The following KCTD8 variants were observed in gnomAD, a reference collection of about 807,000 sequenced individuals.
KCTD8 encodes the protein BTB/POZ domain-containing protein KCTD8.
A neutral mutation model predicts 31.5 loss-of-function variants in KCTD8; 27 were observed. The ratio of observed to expected loss-of-function variants is 0.86; its 90% CI spans 0.63 to 1.18. KCTD8 has a LOEUF of 1.18. Ranked by LOEUF, KCTD8 falls within the 50% of genes most tolerant of loss-of-function variation. The pLI, the probability that KCTD8 is intolerant of heterozygous loss-of-function variation, is 0.00. For missense variants in KCTD8, 658 were observed against 647.7 expected (o/e 1.02, Z -0.17); for synonymous variants, 290 against 280.0 (o/e 1.04, Z -0.36).
At chr4:44,236,688 C>T (rs1035090497) in intron 1 of KCTD8, among the ~76,000 whole-genome samples, 1 of 151,960 alleles carries the variant, frequency 6.6e-6, no homozygotes, top group African/African-American at 2.4e-5. Flanking sequence ...ACATGGAGGA[C>T]CAAGAGGATG....
chr4:44,218,843 G>A (rs1381042181), intron 1 of KCTD8, among the ~76,000 whole-genome samples: 1 of 152,014 alleles, frequency 6.6e-6, no homozygotes, highest in Non-Finnish European at 1.5e-5. Flanking sequence ...ATTATAAAAT[G>A]TTGCTCTGCT....
chr4:44,263,727 T>C lies in KCTD8; in HGVS notation c.962-88477A>G, dbSNP rs555813668. Among the ~76,000 whole-genome samples, 71 of 152,266 alleles carry C rather than the reference T, an allele frequency of 4.7e-4. No homozygotes were observed. In the South Asian group the frequency reaches 0.013, roughly 29 times the overall value. ...AAAATGCATCCCTAGTCAACAGTCT[T>C]CAAGTGACACATGAAGCTGAATTTG... On this transcript the variant is annotated intron_variant, in intron 1 of 1. Coordinates refer to ENST00000360029, the MANE Select transcript of KCTD8 (RefSeq NM_198353.3).
chr4:44,397,990 T>A (rs78562614), intron 1 of KCTD8, among the ~76,000 whole-genome samples: 1,682 of 152,280 alleles, frequency 0.011, 12 homozygotes, highest in Non-Finnish European at 0.017. Context: ...CATCCTTTAT[T>A]GTTTAATGCA....
chr4:44,413,084 G>A (rs1274033906), intron 1 of KCTD8, among the ~76,000 whole-genome samples: 1 of 152,060 alleles, frequency 6.6e-6, no homozygotes. Context: ...CTGCCTTTAT[G>A]TTTTGCTGTT....
At chr4:44,204,104 TACC>T (rs1343288766) in intron 1 of KCTD8, among the ~76,000 whole-genome samples, 7 of 152,160 alleles carry the variant, frequency 4.6e-5, no homozygotes, top group East Asian at 1.9e-4. Context: ...ATAATATAAT[TACC>T]ACAATAGTTC....
chr4:44,437,523 A>G (rs1296023307), intron 1 of KCTD8, among the ~76,000 whole-genome samples: 3 of 152,152 alleles, frequency 2.0e-5, no homozygotes, highest in Non-Finnish European at 4.4e-5. Flanking sequence ...CCTCAGTTTG[A>G]TAGTTTTTAT....
intron 1 of KCTD8, among the ~76,000 whole-genome samples, chr4:44,376,062 T>C (rs753018554): frequency 1.3e-5 from 2 of 152,162 alleles, no homozygotes; most frequent in African/African-American, 2.4e-5. Flanking sequence ...GTTGCAATTA[T>C]TGTTTCTCTG....
intron 1 of KCTD8, among the ~76,000 whole-genome samples, chr4:44,298,513 G>A (rs1717511858): frequency 6.6e-6 from 1 of 152,096 alleles, no homozygotes; most frequent in South Asian, 2.1e-4. Context: ...ATTTTTAGTT[G>A]TAGCAGCAAT....
intron 1 of KCTD8, among the ~76,000 whole-genome samples, chr4:44,291,148 A>G (rs1403369593): frequency 6.6e-6 from 1 of 152,156 alleles, no homozygotes; most frequent in Non-Finnish European, 1.5e-5. Flanking sequence ...GATCCCACAG[A>G]CACAATATAT....
Position 44,174,732 on chromosome 4 carries a change from T to C in KCTD8, c.*58A>G. On this transcript the variant is annotated 3_prime_UTR_variant, in exon 2 of 2. Coordinates refer to ENST00000360029, the MANE Select transcript of KCTD8 (RefSeq NM_198353.3). ...GACCATTGTTAGGACATCAGTCAGG[T>C]GGTGACACTGTAGTAAACATTGAAT... The C allele has an allele frequency of 7.8e-7, 1 of 1,281,248 alleles. No individual in the cohort carries two copies. The highest frequency in any genetic ancestry group is 1.1e-6 in the Non-Finnish European group (1 of 910,538). The allele number at this position is 1,281,248 out of a possible 1,614,324, so 79.4% of individuals were successfully genotyped here.
intron 1 of KCTD8, among the ~76,000 whole-genome samples, chr4:44,323,501 C>A (rs1186308306): frequency 1.1e-4 from 5 of 47,344 alleles, no homozygotes; most frequent in Non-Finnish European, 2.3e-4. Flanking sequence ...TCCCCACCCA[C>A]CCCCCCCCAA....
chr4:44,447,469 C>CG, intron 1 of KCTD8, 94 bp downstream of exon 1: 2 of 1,428,536 alleles, frequency 1.4e-6, no homozygotes, highest in Non-Finnish European at 1.8e-6. Flanking sequence ...GCGCCTGCCC[C>CG]GGACACCCCC....
chr4:44,408,109 A>T (rs369690342), intron 1 of KCTD8, among the ~76,000 whole-genome samples: 15 of 152,210 alleles, frequency 9.9e-5, no homozygotes, highest in African/African-American at 3.4e-4. Flanking sequence ...CAGTGCTGTC[A>T]TCTATCTACT....
intron 1 of KCTD8, among the ~76,000 whole-genome samples, chr4:44,256,082 G>A (rs2015028): frequency 0.21 from 31,396 of 151,714 alleles, 3,314 homozygotes; most frequent in East Asian, 0.3. Context: ...AAGAGAGCAT[G>A]TGGAGGGGAA....
At chr4:44,435,034 G>T (rs760967637) in intron 1 of KCTD8, among the ~76,000 whole-genome samples, 4 of 151,898 alleles carry the variant, frequency 2.6e-5, no homozygotes, top group Admixed American at 1.3e-4. Flanking sequence ...TATTCACCTG[G>T]CAAATAGCTT....
chr4:44,191,249 G>A (rs528504776), intron 1 of KCTD8, among the ~76,000 whole-genome samples: 12 of 152,110 alleles, frequency 7.9e-5, no homozygotes, highest in African/African-American at 2.7e-4. Flanking sequence ...TCTTAATCCT[G>A]TTATCTTTGT....
At chr4:44,184,899 A>T (rs1713533532) in intron 1 of KCTD8, among the ~76,000 whole-genome samples, 1 of 152,210 alleles carries the variant, frequency 6.6e-6, no homozygotes, top group Non-Finnish European at 1.5e-5. Flanking sequence ...ATGAGGGCTT[A>T]GATGGCATGT....
chr4:44,316,678 T>A (rs953185193), intron 1 of KCTD8, among the ~76,000 whole-genome samples: 1 of 149,170 alleles, frequency 6.7e-6, no homozygotes, highest in Admixed American at 6.7e-5. Flanking sequence ...AGGCCGGGCG[T>A]GGTGGCTCAT....
chr4:44,325,472 G>T (rs1416534508), intron 1 of KCTD8, among the ~76,000 whole-genome samples: 1 of 151,794 alleles, frequency 6.6e-6, no homozygotes, highest in Non-Finnish European at 1.5e-5. Context: ...ATAGGCATAT[G>T]AAATTTTAAA....
Sources: allele counts gnomAD v4.1 joint callset (sites outside exome capture counted in the v4.1 genomes callset), GRCh38; gene constraint gnomAD v4.1.1; transcripts MANE v1.5; gene names NCBI Gene and HGNC (gene_info 2026-07-23, HGNC 2026-07-21).